Variants in DPF2 observed in about 807,000 individuals in gnomAD.
DPF2 encodes zinc finger protein ubi-d4.
DPF2 carries 10 observed loss-of-function variants against 59.6 expected under a neutral mutation model. The ratio of observed to expected loss-of-function variants is 0.17; its 90% confidence interval spans 0.10 to 0.28. The LOEUF is 0.28. DPF2 is among the 10% of genes least tolerant of loss of function. DPF2 has a pLI of 1.00. For synonymous variants in DPF2, 189 were observed against 190.6 expected (o/e 0.99, Z 0.07); for missense variants, 315 against 509.4 (o/e 0.62, Z 3.67).
In DPF2 at chr11:65,351,806, C is replaced by T. The variant is rs1340082964; in HGVS notation, c.*47C>T. 6 of 1,569,316 alleles carry T rather than the reference C, an allele frequency of 3.8e-6. No individual in the cohort carries two copies. Among genetic ancestry groups the T allele is most frequent in the South Asian group, 1.1e-5 (1 of 90,106 alleles). On this transcript the variant is annotated 3_prime_UTR_variant, in exon 11 of 11. Coordinates refer to ENST00000528416, the MANE Select transcript of DPF2 (RefSeq NM_006268.5). Reference sequence around the variant, plus strand: ...CGACATATCTAAGGCTGTTTCTCTCCTCCACTTCATATTTCATACCCATCT... The same window carrying T: ...CGACATATCTAAGGCTGTTTCTCTCTTCCACTTCATATTTCATACCCATCT...
At chr11:65,341,943 C>G (rs1854387056) in intron 4 of DPF2, 1 of 160,648 alleles carries the variant, frequency 6.2e-6, no homozygotes, top group Non-Finnish European at 1.4e-5. Context: ...GACCCCATCT[C>G]TACAAAAAAA....
chr11:65,342,869 C>G (rs139683997), intron 4 of DPF2, among the ~76,000 whole-genome samples: 2,419 of 150,290 alleles, frequency 0.016, 68 homozygotes, highest in African/African-American at 0.055. Context: ...AAAAAATTAG[C>G]CAGGCGTGGT....
chr11:65,335,902 C>T (rs776814812), intron 1 of DPF2, among the ~76,000 whole-genome samples: 2 of 152,102 alleles, frequency 1.3e-5, no homozygotes, highest in Non-Finnish European at 2.9e-5. Context: ...CAACCTCCGC[C>T]TCCCGGGTTC....
intron 10 of DPF2, among the ~76,000 whole-genome samples, chr11:65,351,098 C>A (rs931257478): frequency 6.6e-6 from 1 of 152,000 alleles, no homozygotes; most frequent in African/African-American, 2.4e-5. Context: ...ACCGTATTGA[C>A]CTTTGGGTTA....
chr11:65,351,584 GC>G, intron 10 of DPF2, 98 bp from the exon 11 acceptor site: 1 of 1,032,418 alleles, frequency 9.7e-7, no homozygotes, highest in Non-Finnish European at 1.5e-6. Context: ...CCTACCTGTA[GC>G]TGATCCTGCT....
intron 1 of DPF2, 150 bp from the exon 2 acceptor site, chr11:65,340,235 A>C: frequency 1.2e-6 from 1 of 813,648 alleles, no homozygotes; most frequent in Non-Finnish European, 1.9e-6. Context: ...TTCGTGTCCC[A>C]TGAGGCAGAA....
At position 65,341,435 on chromosome 11, in the gene DPF2, C is replaced by G. The variant is rs1854368406; in HGVS notation, c.338C>G (p.Ser113Cys). Residue 113 changes from serine to cysteine, a missense_variant, in exon 4 of 11, where the codon TCT (serine) becomes TGT (cysteine). Coordinates refer to ENST00000528416, the MANE Select transcript of DPF2 (RefSeq NM_006268.5). ...ACCCTGAAGAAGGAGGGGCTGATCTCTCAGGATGGCAGTAGTTTAGAGGCT... is the reference window on the plus strand; with the variant it reads ...ACCCTGAAGAAGGAGGGGCTGATCTGTCAGGATGGCAGTAGTTTAGAGGCT... ...DQTLKKEGLISQDGSSLEALL... is the reference protein window; with the variant it reads ...DQTLKKEGLICQDGSSLEALL... The G allele has an allele frequency of 1.9e-6, 3 of 1,614,250 alleles. No individual in the cohort carries two copies. The highest frequency in any genetic ancestry group is 1.3e-5 in the African/African-American group (1 of 75,068).
chr11:65,336,416 C>T (rs184393950), intron 1 of DPF2, among the ~76,000 whole-genome samples: 8 of 152,086 alleles, frequency 5.3e-5, no homozygotes, highest in Admixed American at 3.3e-4. Context: ...CGCCTGAACC[C>T]AGGCGGCAGA....
intron 3 of DPF2, 69 bp downstream of exon 3, chr11:65,341,142 A>G: frequency 6.6e-7 from 1 of 1,515,596 alleles, no homozygotes; most frequent in Non-Finnish European, 9.1e-7. Context: ...TCACTGTGAT[A>G]TACCAGGCCC....
chr11:65,340,812 C>A (rs761289291), intron 2 of DPF2, among the ~76,000 whole-genome samples, 154 bp from the exon 3 acceptor site: 1 of 152,128 alleles, frequency 6.6e-6, no homozygotes. Context: ...TTTTTCTTTT[C>A]CACAGACTAT....
intron 10 of DPF2, among the ~76,000 whole-genome samples, chr11:65,350,706 A>G (rs1854670971): frequency 6.6e-6 from 1 of 151,498 alleles, no homozygotes; most frequent in East Asian, 2.0e-4. Context: ...TTAAAAATAT[A>G]AAAACTGGCT....
At position 65,341,267 on chromosome 11, in the gene DPF2, G is replaced by A. The variant is rs1285888212; in HGVS notation, c.302-132G>A. ...AAGTTATGGTGCCAAGTGAACTAGG[G>A]TGTCTTAATTCCTGGGCGTGCAGAG... is the stretch of plus-strand genomic sequence containing the variant. On this transcript the variant is annotated intron_variant, in intron 3 of 10. Coordinates refer to ENST00000528416, the MANE Select transcript of DPF2 (RefSeq NM_006268.5). 3 of 1,363,072 alleles carry A rather than the reference G, an allele frequency of 2.2e-6. No individual in the cohort carries two copies. The African/African-American group carries it at 4.4e-5, about 20-fold the overall frequency. 84.4% of individuals were successfully genotyped at this position (1,363,072 alleles called of 1,614,324 possible).
chr11:65,340,201 C>T (rs1854320504), intron 1 of DPF2, among the ~76,000 whole-genome samples, 184 bp from the exon 2 acceptor site: 1 of 152,156 alleles, frequency 6.6e-6, no homozygotes, highest in Non-Finnish European at 1.5e-5. Context: ...AAAGTAATTC[C>T]TCATGATGGC....
At chr11:65,336,933 C>T (rs1321028543) in intron 1 of DPF2, among the ~76,000 whole-genome samples, 1 of 150,784 alleles carries the variant, frequency 6.6e-6, no homozygotes, top group African/African-American at 2.4e-5. Context: ...AGTAAAAATA[C>T]AAAAATTAGC....
chr11:65,340,331 G>T, intron 1 of DPF2, 54 bp from the exon 2 acceptor site: 1 of 1,593,128 alleles, frequency 6.3e-7, no homozygotes, highest in Non-Finnish European at 8.6e-7. Context: ...GAATAGCTCA[G>T]CACCCTATGC....
chr11:65,344,323 C>G (rs903160727), intron 6 of DPF2: 38 of 612,224 alleles, frequency 6.2e-5, no homozygotes, highest in Admixed American at 6.1e-4. Flanking sequence ...CCACAGCAGG[C>G]AGGGTTGGCC....
Position 65,348,948 on chromosome 11 carries a change from T to G in DPF2, c.1099+17T>G, listed in dbSNP as rs777783511. On this transcript the variant is annotated intron_variant, in intron 10 of 10. Transcript: ENST00000528416. ...CCCCTGAAGGTAAGTTGCCCAGATCTTTTACTCAGAACAATTACTTTATTA... is the reference window on the plus strand; with the variant it reads ...CCCCTGAAGGTAAGTTGCCCAGATCGTTTACTCAGAACAATTACTTTATTA... The G allele has an allele frequency of 3.1e-6, 5 of 1,612,932 alleles. No homozygotes were observed. Among genetic ancestry groups the G allele is most frequent in the African/African-American group, 1.3e-5 (1 of 74,880 alleles).
intron 1 of DPF2, 77 bp downstream of exon 1, chr11:65,333,995 G>A: frequency 6.4e-7 from 1 of 1,573,686 alleles, no homozygotes; most frequent in Non-Finnish European, 8.6e-7. Flanking sequence ...TGGGGGAAGG[G>A]ACTAGGCGGA....
At chr11:65,348,772 G>A (rs1854611430) in intron 9 of DPF2, 78 bp from the exon 10 acceptor site, 17 of 1,451,446 alleles carry the variant, frequency 1.2e-5, no homozygotes, top group East Asian at 2.3e-5. Flanking sequence ...TACCCCTCTT[G>A]GAAATAGCAG....
Sources: allele counts gnomAD v4.1 joint callset (sites outside exome capture counted in the v4.1 genomes callset), GRCh38; gene constraint gnomAD v4.1.1; transcripts MANE v1.5; gene names NCBI Gene and HGNC (gene_info 2026-07-23, HGNC 2026-07-21).